CPED1: variants seen among roughly 807,000 people sequenced by gnomAD.
CPED1 encodes cadherin like and PC-esterase domain containing 1.
CPED1 carries 114 observed loss-of-function variants against 128.2 expected under a neutral mutation model. The ratio of observed to expected loss-of-function variants is 0.89; its 90% CI spans 0.76 to 1.04. The LOEUF (loss-of-function observed/expected upper bound fraction) is 1.04. CPED1 is among the 50% of genes least tolerant of loss of function. CPED1 has a pLI of 0.00. For synonymous variants in CPED1, 462 were observed against 426.7 expected (o/e 1.08, Z -1.02); for missense variants, 1,211 against 1,207.1 (o/e 1.00, Z -0.05).
At chr7:121,167,981 C>T (rs1321474219) in intron 16 of CPED1, among the ~76,000 whole-genome samples, 2 of 152,100 alleles carry the variant, frequency 1.3e-5, no homozygotes, top group Non-Finnish European at 2.9e-5. Context: ...GATCCGCCCG[C>T]CTCGGCCTCC....
At chr7:121,214,892 T>C (rs1364032285) in intron 16 of CPED1, among the ~76,000 whole-genome samples, 1 of 152,040 alleles carries the variant, frequency 6.6e-6, no homozygotes, top group Non-Finnish European at 1.5e-5. Flanking sequence ...GAAAAATTAT[T>C]CAGCTCTAAG....
chr7:121,293,145 G>C (rs925253631), intron 22 of CPED1, among the ~76,000 whole-genome samples: 2 of 152,158 alleles, frequency 1.3e-5, no homozygotes, highest in African/African-American at 4.8e-5. Flanking sequence ...CAGGTGCTCT[G>C]TCCCAGGGAG....
intron 16 of CPED1, among the ~76,000 whole-genome samples, chr7:121,192,120 C>T (rs1166180315): frequency 2.0e-5 from 3 of 152,106 alleles, no homozygotes; most frequent in Admixed American, 2.0e-4. Context: ...CAACTATTAA[C>T]TACCATGTCC....
chr7:121,205,356 T>C (rs1203077705), intron 16 of CPED1, among the ~76,000 whole-genome samples: 1 of 152,044 alleles, frequency 6.6e-6, no homozygotes, highest in East Asian at 1.9e-4. Context: ...TTCATCCCTC[T>C]TATATTTTTC....
chr7:121,140,630 A>C (rs1056612509), intron 14 of CPED1, among the ~76,000 whole-genome samples, 197 bp from the exon 15 acceptor site: 3 of 152,060 alleles, frequency 2.0e-5, no homozygotes, highest in Non-Finnish European at 4.4e-5. Context: ...ATATGAAGCA[A>C]ATTCTACCAA....
intron 3 of CPED1, among the ~76,000 whole-genome samples, chr7:121,044,797 C>T (rs1271675168): frequency 2.6e-5 from 4 of 151,794 alleles, no homozygotes; most frequent in Non-Finnish European, 5.9e-5. Flanking sequence ...ATATTTCTAT[C>T]AACTCTAGAA....
intron 7 of CPED1, among the ~76,000 whole-genome samples, chr7:121,110,932 A>G (rs1795092638): frequency 6.6e-6 from 1 of 152,168 alleles, no homozygotes; most frequent in South Asian, 2.1e-4. Flanking sequence ...AGAAATGTGG[A>G]TACGTTTTGA....
intron 3 of CPED1, among the ~76,000 whole-genome samples, chr7:121,045,605 A>C (rs2116899313): frequency 6.6e-6 from 1 of 152,314 alleles, no homozygotes; most frequent in South Asian, 2.1e-4. Flanking sequence ...TATTTAAAGA[A>C]GTTGGTTACT....
At position 121,141,014 on chromosome 7, in the gene CPED1, G is replaced by T; in HGVS notation, c.1886+1G>T. ...ACCTGTACGAGCAGGCAGGGCCAAGGTATGAGATGTTGACTGGGGCTGTGT... is the reference window on the plus strand; with the variant it reads ...ACCTGTACGAGCAGGCAGGGCCAAGTTATGAGATGTTGACTGGGGCTGTGT... On this transcript the variant is annotated splice_donor_variant, in intron 15 of 22. Coordinates refer to ENST00000310396, the MANE Select transcript of CPED1 (RefSeq NM_024913.5). LOFTEE classifies it high-confidence loss of function. 3 of 1,605,374 alleles carry T rather than the reference G, an allele frequency of 1.9e-6. No individual in the cohort carries two copies. Among genetic ancestry groups the T allele is most frequent in the Non-Finnish European group, 1.7e-6 (2 of 1,177,034 alleles).
chr7:121,077,642 G>A (rs948616182), intron 5 of CPED1, among the ~76,000 whole-genome samples: 1 of 150,780 alleles, frequency 6.6e-6, no homozygotes. Flanking sequence ...AGGAAAGTAG[G>A]CTCAATAATG....
chr7:121,192,294 A>G (rs1370059467), intron 16 of CPED1, among the ~76,000 whole-genome samples: 1 of 152,140 alleles, frequency 6.6e-6, no homozygotes. Flanking sequence ...CTTTTTGAGT[A>G]CTGACATGAG....
At chr7:121,144,542 G>A (rs768265385) in intron 16 of CPED1, among the ~76,000 whole-genome samples, 2 of 152,006 alleles carry the variant, frequency 1.3e-5, no homozygotes, top group Non-Finnish European at 1.5e-5. Context: ...GGGCAGTGGA[G>A]AGGCTGGGAT....
chr7:121,068,175 A>T (rs1390467864), intron 5 of CPED1, among the ~76,000 whole-genome samples: 1 of 152,242 alleles, frequency 6.6e-6, no homozygotes, highest in Non-Finnish European at 1.5e-5. Flanking sequence ...TGTTTTAGAC[A>T]AGAAGTCCTT....
chr7:121,276,246 C>T (rs546420892), intron 22 of CPED1, among the ~76,000 whole-genome samples: 1 of 152,168 alleles, frequency 6.6e-6, no homozygotes, highest in Non-Finnish European at 1.5e-5. Flanking sequence ...CCCTAATTTA[C>T]TCTATCACAC....
intron 5 of CPED1, among the ~76,000 whole-genome samples, chr7:121,071,521 G>A (rs147007093): frequency 1.4e-3 from 218 of 151,998 alleles, no homozygotes; most frequent in African/African-American, 4.8e-3. Flanking sequence ...CTATCATCTA[G>A]TAGCTTTTGA....
intron 3 of CPED1, among the ~76,000 whole-genome samples, chr7:121,032,329 A>C (rs750222635): frequency 3.3e-5 from 5 of 152,166 alleles, no homozygotes; most frequent in African/African-American, 4.8e-5. Flanking sequence ...CATTTCTGGA[A>C]AGGTAGAAAA....
chr7:121,243,107 G>GT (rs1304913524), intron 17 of CPED1, among the ~76,000 whole-genome samples: 24 of 152,184 alleles, frequency 1.6e-4, no homozygotes, highest in Non-Finnish European at 1.2e-4. Flanking sequence ...AAGTTTTTAA[G>GT]TTTTTTCCTT....
chr7:121,235,244 C>T (rs201006760), intron 16 of CPED1, among the ~76,000 whole-genome samples: 1 of 152,110 alleles, frequency 6.6e-6, no homozygotes, highest in Non-Finnish European at 1.5e-5. Context: ...ATTTAGACTA[C>T]ATCTCCCCAC....
At chr7:121,063,595 T>C (rs943713746) in intron 4 of CPED1, among the ~76,000 whole-genome samples, 1 of 152,182 alleles carries the variant, frequency 6.6e-6, no homozygotes, top group Admixed American at 6.5e-5. Context: ...ATTTTCAAGC[T>C]AATTTATACT....
Sources: allele counts gnomAD v4.1 joint callset (sites outside exome capture counted in the v4.1 genomes callset), GRCh38; gene constraint gnomAD v4.1.1; transcripts MANE v1.5; gene names NCBI Gene and HGNC (gene_info 2026-07-23, HGNC 2026-07-21).